The following ITSN2 variants were observed in gnomAD, a reference collection of about 807,000 sequenced individuals.
ITSN2 encodes the protein intersectin 2, also known as intersectin-2.
ITSN2 carries 156 observed loss-of-function variants against 243.7 expected under a neutral mutation model. That is an observed-to-expected ratio of 0.64 (90% CI 0.56 to 0.73). ITSN2 has a LOEUF of 0.73. Ranked by LOEUF, ITSN2 falls within the 30% of genes least tolerant of loss-of-function variation. ITSN2 has a pLI of 0.00. For missense variants in ITSN2, 1,801 were observed against 1,996.1 expected, an observed-to-expected ratio of 0.90 and a Z score of 1.86; for synonymous variants, 703 against 699.9, an observed-to-expected ratio of 1.00 and a Z score of -0.07.
intron 2 of ITSN2, 117 bp from the exon 3 acceptor site, chr2:24,315,341 A>G (rs1022734045): frequency 3.5e-6 from 2 of 575,154 alleles, no homozygotes; most frequent in Non-Finnish European, 6.1e-6. Context: ...TATTTGAGTG[A>G]CACAAAGAGT....
rs547525225 is a variant in ITSN2, at chr2:24,204,077, C to T, written c.4936+168G>A. On this transcript the variant is annotated intron_variant, in intron 39 of 39. Transcript: ENST00000355123. The surrounding 1 kb of genome is among the most constrained non-coding windows in gnomAD (Gnocchi z 5.1). ...ACCTGAAACACATCTCAGGCCACCT[C>T]CTCCCCTGAGGAAGGCCACCCACCT... 2 of 686,604 alleles carry T rather than the reference C, an allele frequency of 2.9e-6. No individual in the cohort carries two copies. The highest frequency in any genetic ancestry group is 1.8e-5 in the African/African-American group (1 of 55,488). The allele number at this position is 686,604 out of a possible 1,614,324, so 42.5% of individuals were successfully genotyped here.
rs146758206 is a variant in ITSN2 at position 24,212,731 on chromosome 2, C to T, written c.4008G>A (p.Pro1336=). 294 of 1,614,096 alleles carry T rather than the reference C, an allele frequency of 1.8e-4. No homozygotes were observed. The African/African-American group carries it at 2.6e-3, about 14-fold the overall frequency. ...TGGAGAGGGGCATTCCTTTACACCG[C>T]GGGTCAGATGCCAGCTTCTGCAAAA... The part of the protein sequence containing the change: ...KEFLKKLASD[P]RCKGMPLSSF... The change falls in exon 33 of 40, where the codon CCG becomes CCA. Residue 1336 remains proline (P), a synonymous_variant. Coordinates refer to ENST00000355123, the MANE Select transcript of ITSN2 (RefSeq NM_006277.3).
intron 20 of ITSN2, 76 bp from the exon 21 acceptor site, chr2:24,261,818 T>A: frequency 9.4e-7 from 1 of 1,063,454 alleles, no homozygotes; most frequent in Non-Finnish European, 1.4e-6. Context: ...AAAACTATTG[T>A]ATAGTATTCT....
chr2:24,220,403 G>A (rs961150536), intron 30 of ITSN2: 10 of 984,702 alleles, frequency 1.0e-5, no homozygotes, highest in African/African-American at 3.5e-5. Context: ...TGTCATCAGC[G>A]TAGAGGTCAC....
intron 8 of ITSN2, among the ~76,000 whole-genome samples, chr2:24,305,376 C>A (rs926023460): frequency 1.3e-5 from 2 of 151,914 alleles, no homozygotes; most frequent in South Asian, 2.1e-4. Flanking sequence ...CCAAGGCGGG[C>A]GGATCACCTG....
At chr2:24,213,009 A>G (rs1236034153) in intron 32 of ITSN2, among the ~76,000 whole-genome samples, 2 of 152,096 alleles carry the variant, frequency 1.3e-5, no homozygotes, top group African/African-American at 4.8e-5. Flanking sequence ...ACTTTCTTTT[A>G]AATAACTCAG....
At chr2:24,337,315 A>AATATATATATATATACAT (rs70944741) in intron 1 of ITSN2, among the ~76,000 whole-genome samples, 3,333 of 31,896 alleles carry the variant, frequency 0.1, 890 homozygotes, top group Non-Finnish European at 0.12. Flanking sequence ...GTATACACAA[A>AATATATATATATATACAT]ATATATATAT....
chr2:24,204,272 A>G lies in ITSN2; in HGVS notation c.4909T>C (p.Phe1637Leu). The change falls in exon 39 of 40, where the codon TTT (phenylalanine) becomes CTT (leucine). Residue 1637 changes from phenylalanine to leucine, a missense_variant. Transcript: ENST00000355123. This position sits in a 1 kb window ranked among gnomAD's most constrained non-coding sequence, Gnocchi z 5.1. ...TCTGGTGAAAACTGGTCTCTGTCAA[A>G]CAGGGTGAGACACAGCACGTCTTGG... ...LYQDVLCLTLFDRDQFSPDDF... is the reference protein window; with the variant it reads ...LYQDVLCLTLLDRDQFSPDDF... 6.2e-7 allele frequency: 1 copy of G among 1,614,154 alleles called. No individual in the cohort carries two copies. The highest frequency in any genetic ancestry group is 8.5e-7 in the Non-Finnish European group (1 of 1,180,028).
chr2:24,206,550 T>A (rs1668903249), intron 37 of ITSN2, among the ~76,000 whole-genome samples: 1 of 148,272 alleles, frequency 6.7e-6, no homozygotes, highest in African/African-American at 2.5e-5. Context: ...GGAGCTCTGG[T>A]CTGAAGGCCA....
chr2:24,295,736 A>G lies in ITSN2; in HGVS notation c.1563T>C (p.Thr521=), dbSNP rs755530548. 2 of 1,565,000 alleles carry G rather than the reference A, an allele frequency of 1.3e-6. No individual in the cohort carries two copies. Among genetic ancestry groups the G allele is most frequent in the Non-Finnish European group, 8.6e-7 (1 of 1,162,518 alleles). ...ACTGCTTATCCAGAACTTCCAGCTC[A>G]GTCTTTTGAGTTTGCTTTTTGAGTC... is the stretch of plus-strand genomic sequence containing the variant. ...DVRLKKQTQK[T]ELEVLDKQCD... is the part of the protein sequence containing the mutation. Residue 521 remains threonine (T), a synonymous_variant, in exon 14 of 40, where the codon ACT becomes ACC. Transcript: ENST00000355123.
intron 1 of ITSN2, among the ~76,000 whole-genome samples, chr2:24,356,237 T>A (rs1199083666): frequency 3.5e-5 from 5 of 143,918 alleles, no homozygotes; most frequent in Non-Finnish European, 6.0e-5. Flanking sequence ...TGGTGGCACA[T>A]GCCTATAATC....
intron 13 of ITSN2, among the ~76,000 whole-genome samples, chr2:24,298,370 C>T (rs554743726): frequency 6.6e-6 from 1 of 152,196 alleles, no homozygotes; most frequent in African/African-American, 2.4e-5. Flanking sequence ...ATTGGCCAGG[C>T]TGGTCTTGAA....
intron 15 of ITSN2, among the ~76,000 whole-genome samples, chr2:24,288,187 T>C (rs1267434144): frequency 2.0e-5 from 3 of 152,124 alleles, no homozygotes; most frequent in Admixed American, 2.0e-4. Context: ...CATTTTGAGC[T>C]GATTTTTGAG....
Position 24,216,252 on chromosome 2 carries a change from A to G in ITSN2, c.3807-20T>C. ...AAAGCCCTGCCAAGAACACACTCTC[A>G]TTTTGTGTTTCTAAGTGAATGACTT... On this transcript the variant is annotated intron_variant, in intron 31 of 39. Coordinates refer to ENST00000355123, the MANE Select transcript of ITSN2 (RefSeq NM_006277.3). 1 of 1,549,334 alleles carries G rather than the reference A, an allele frequency of 6.5e-7. No individual in the cohort carries two copies. The highest frequency in any genetic ancestry group is 2.4e-5 in the East Asian group (1 of 41,966).
chr2:24,220,910 A>G, intron 30 of ITSN2, 35 bp downstream of exon 30: 1 of 1,566,732 alleles, frequency 6.4e-7, no homozygotes, highest in South Asian at 1.2e-5. Context: ...GAGACAGCAG[A>G]TACCCCGAGA....
Position 24,310,696 on chromosome 2 carries a change from A to C in ITSN2, c.353-4T>G, listed in dbSNP as rs749775138. The C allele has an allele frequency of 4.3e-6, 7 of 1,612,568 alleles. No homozygotes were observed. In the African/African-American group the frequency reaches 9.4e-5, roughly 22 times the overall value. ...AGATTGGGCATGCTTCCCATTCCTAAAGTCAAAAGAAAACATTTTTTCCAG... is the reference window on the plus strand; with the variant it reads ...AGATTGGGCATGCTTCCCATTCCTACAGTCAAAAGAAAACATTTTTTCCAG... On this transcript the variant is annotated splice_polypyrimidine_tract_variant and splice_region_variant and intron_variant, in intron 5 of 39. Transcript: ENST00000355123.
intron 1 of ITSN2, among the ~76,000 whole-genome samples, chr2:24,357,067 G>GC (rs1688514190): frequency 5.3e-5 from 8 of 152,196 alleles, no homozygotes; most frequent in Admixed American, 5.2e-4. Context: ...AGATAGTATG[G>GC]CAATTCCTCA....
rs761971519 is a variant in ITSN2 at position 24,337,279 on chromosome 2, A to ATGTGTG, written c.-33-9165_-33-9164insCACACA. ...CCTGCAGGCGTGTGTGTCTATATGT[A>ATGTGTG]TGTATGTGTGTGTGTGTGTGTGTGT... is the stretch of plus-strand genomic sequence containing the variant. On this transcript the variant is annotated intron_variant, in intron 1 of 39. Transcript: ENST00000355123. Among the ~76,000 whole-genome samples, 592 of 97,894 alleles carry ATGTGTG rather than the reference A, an allele frequency of 6.0e-3. 13 individuals are homozygous for ATGTGTG. The highest frequency in any genetic ancestry group is 0.015 in the African/African-American group (409 of 26,912). 64.2% of individuals were successfully genotyped at this position (97,894 alleles called of 152,430 possible).
chr2:24,251,787 T>C (rs961703518), intron 25 of ITSN2, among the ~76,000 whole-genome samples: 1 of 151,802 alleles, frequency 6.6e-6, no homozygotes, highest in Non-Finnish European at 1.5e-5. Context: ...TGAATAAATA[T>C]ATAATTTCGC....
Sources: gnomAD v4.1 joint callset for allele counts (sites outside exome capture counted in the v4.1 genomes callset) on GRCh38, gnomAD v4.1.1 for gene constraint, Gnocchi (gnomAD v3.1) non-coding constraint, MANE v1.5 for transcripts, NCBI Gene and HGNC (gene_info 2026-07-23, HGNC 2026-07-21) for gene names.